Variants in NALCN observed in about 807,000 individuals in gnomAD.
NALCN encodes the protein sodium leak channel NALCN.
In NALCN, 111 loss-of-function variants were observed where a neutral mutation model predicts 225.3. The observed-to-expected ratio is 0.49, with a 90% confidence interval of 0.42 to 0.58. The LOEUF (loss-of-function observed/expected upper bound fraction) is 0.58, where lower values mean the gene tolerates loss of function less well. NALCN is among the 20% of genes least tolerant of loss of function. The pLI is 0.00. For missense variants in NALCN, 1,378 were observed against 2,202.4 expected (o/e 0.63, Z 7.49); for synonymous variants, 764 against 769.0 (o/e 0.99, Z 0.11).
intron 42 of NALCN, chr13:101,058,438 C>CGACG: frequency 1.3e-5 from 2 of 156,446 alleles, no homozygotes; most frequent in South Asian, 3.4e-4. Context: ...AGTCTACTGT[C>CGACG]ACCAGCCTGG....
At chr13:101,415,443 G>A (rs910879953) in intron 1 of NALCN, among the ~76,000 whole-genome samples, 1 of 152,000 alleles carries the variant, frequency 6.6e-6, no homozygotes, top group Admixed American at 6.6e-5. Context: ...ATAATACAGT[G>A]TCTGAAAAAT....
intron 41 of NALCN, among the ~76,000 whole-genome samples, chr13:101,061,217 ACAT>A (rs778724985): frequency 6.6e-6 from 1 of 152,194 alleles, no homozygotes; most frequent in Non-Finnish European, 1.5e-5. Context: ...GAAGCAGGAA[ACAT>A]CATTAATCTT....
Position 101,107,738 on chromosome 13 carries a change from T to A in NALCN, c.2416A>T (p.Lys806Ter). Residue 806 changes from lysine to a stop codon, truncating the protein, a stop_gained, in exon 21 of 44, where the codon AAG (lysine) becomes TAG (stop). Transcript: ENST00000251127. LOFTEE classifies it high-confidence loss of function. ...TGCTCCTTTTTTTCCTGAATCATCT[T>A]TATTTCACTGTCTTCTCTTTGTGCA... ...RNAQREDSEI[K>*]MIQEKKEQAE... is the part of the protein sequence containing the mutation. The A allele has an allele frequency of 6.2e-7, 1 of 1,613,924 alleles. No individual in the cohort carries two copies. The highest frequency in any genetic ancestry group is 1.1e-5 in the South Asian group (1 of 91,072).
intron 18 of NALCN, among the ~76,000 whole-genome samples, chr13:101,115,621 A>G (rs1388203277): frequency 6.6e-6 from 1 of 152,152 alleles, no homozygotes; most frequent in East Asian, 1.9e-4. Context: ...GCCACTTTAC[A>G]TTTTTCATTA....
intron 1 of NALCN, among the ~76,000 whole-genome samples, chr13:101,414,936 C>T (rs1023477355): frequency 1.3e-5 from 2 of 151,990 alleles, no homozygotes; most frequent in Admixed American, 6.6e-5. Context: ...CTGGTTTTAG[C>T]AGTGGCTAGG....
intron 17 of NALCN, among the ~76,000 whole-genome samples, chr13:101,125,460 T>C (rs2036186471): frequency 6.6e-6 from 1 of 152,188 alleles, no homozygotes; most frequent in Non-Finnish European, 1.5e-5. Flanking sequence ...TTGAGACCTG[T>C]TCATTTTGAT....
intron 15 of NALCN, among the ~76,000 whole-genome samples, chr13:101,159,238 T>G (rs1401528042): frequency 6.6e-6 from 1 of 152,232 alleles, no homozygotes; most frequent in African/African-American, 2.4e-5. Flanking sequence ...AATGACAGCA[T>G]TTATTAATAC....
chr13:101,336,859 T>A (rs537726794), intron 7 of NALCN, among the ~76,000 whole-genome samples: 1 of 152,352 alleles, frequency 6.6e-6, no homozygotes, highest in Non-Finnish European at 1.5e-5. Flanking sequence ...AGCTATACAT[T>A]ACATATAGCA....
intron 1 of NALCN, among the ~76,000 whole-genome samples, chr13:101,412,223 C>T (rs1160440608): frequency 6.6e-6 from 1 of 152,184 alleles, no homozygotes; most frequent in African/African-American, 2.4e-5. Flanking sequence ...TAAAACATGG[C>T]TGTGTTCCAT....
At chr13:101,395,087 T>C in intron 3 of NALCN, 96 bp downstream of exon 3, 1 of 1,250,776 alleles carries the variant, frequency 8.0e-7, no homozygotes, top group South Asian at 1.7e-5. Context: ...TAAAATGATG[T>C]TTTGTTTTAC....
At position 101,237,789 on chromosome 13, in the gene NALCN, G is replaced by C. The variant is rs765015402; in HGVS notation, c.1400C>G (p.Pro467Arg). 1.2e-6 allele frequency: 2 copies of C among 1,604,120 alleles called. No individual in the cohort carries two copies. Among genetic ancestry groups the C allele is most frequent in the Non-Finnish European group, 1.7e-6 (2 of 1,176,102 alleles). ...CGTGAATTGTGAATGATAAAGATCTGGGTATACATGAAGAGTAGTTCCAAT... is the reference window on the plus strand; with the variant it reads ...CGTGAATTGTGAATGATAAAGATCTCGGTATACATGAAGAGTAGTTCCAAT... ...LVIGTTLHVY[P>R]DLYHSQFTYF... is the part of the protein sequence containing the mutation. Residue 467 changes from proline to arginine, a missense_variant, in exon 12 of 44, where the codon CCA becomes CGA. Pro to Arg is a moderately radical substitution (Grantham distance 103). Coordinates refer to ENST00000251127, the MANE Select transcript of NALCN (RefSeq NM_052867.4).
At chr13:101,170,672 A>G (rs1434436207) in intron 15 of NALCN, among the ~76,000 whole-genome samples, 1 of 152,220 alleles carries the variant, frequency 6.6e-6, no homozygotes, top group African/African-American at 2.4e-5. Context: ...AATATATAAT[A>G]TCTATCCAAC....
chr13:101,289,313 T>C (rs1296668437), intron 9 of NALCN, among the ~76,000 whole-genome samples: 3 of 152,192 alleles, frequency 2.0e-5, no homozygotes, highest in Admixed American at 6.5e-5. Context: ...CTAAAGACCC[T>C]TGGCATTAAT....
intron 13 of NALCN, among the ~76,000 whole-genome samples, chr13:101,220,595 C>T (rs575791474): frequency 6.6e-6 from 1 of 152,250 alleles, no homozygotes; most frequent in East Asian, 1.9e-4. Context: ...AGGCTGTCAC[C>T]ATTGTCAGCT....
At chr13:101,169,176 G>A (rs546814277) in intron 15 of NALCN, among the ~76,000 whole-genome samples, 1 of 152,172 alleles carries the variant, frequency 6.6e-6, no homozygotes, top group African/African-American at 2.4e-5. Flanking sequence ...ACCATCACAT[G>A]TCCCTAGCCC....
chr13:101,387,227 CAAAAAAAAA>C (rs747159185), intron 3 of NALCN, among the ~76,000 whole-genome samples: 4 of 29,048 alleles, frequency 1.4e-4, no homozygotes, highest in Non-Finnish European at 3.1e-4. Flanking sequence ...GACTCCGTCT[CAAAAAAAAA>C]AAAAAAAAAA....
intron 15 of NALCN, among the ~76,000 whole-genome samples, chr13:101,148,687 T>C (rs1158649358): frequency 6.6e-6 from 1 of 152,194 alleles, no homozygotes; most frequent in Non-Finnish European, 1.5e-5. Context: ...GTGGCTGGCA[T>C]GGCACTGGAC....
chr13:101,130,062 T>C (rs532448920), intron 17 of NALCN, among the ~76,000 whole-genome samples: 3 of 152,336 alleles, frequency 2.0e-5, no homozygotes, highest in Admixed American at 6.5e-5. Flanking sequence ...TTCTTTTATA[T>C]GGCTGCATAG....
chr13:101,145,622 G>C (rs1021101575), intron 15 of NALCN, among the ~76,000 whole-genome samples: 5 of 152,172 alleles, frequency 3.3e-5, no homozygotes, highest in Non-Finnish European at 7.3e-5. Flanking sequence ...TACTACAAAG[G>C]TGGACTGTGG....
Sources: allele counts gnomAD v4.1 joint callset (sites outside exome capture counted in the v4.1 genomes callset), GRCh38; gene constraint gnomAD v4.1.1; transcripts MANE v1.5; gene names NCBI Gene and HGNC (gene_info 2026-07-23, HGNC 2026-07-21).